Variants in GALNT7 observed in about 807,000 individuals in gnomAD.
The protein encoded by GALNT7 is N-acetylgalactosaminyltransferase 7.
Under a neutral mutation model 82.1 loss-of-function variants are expected in GALNT7, and 60 were observed. The observed-to-expected ratio is 0.73, with a 90% confidence interval of 0.59 to 0.91. GALNT7 has a LOEUF of 0.91. GALNT7 is among the 40% of genes least tolerant of loss of function. The pLI is 0.00. For synonymous variants in GALNT7, 243 were observed against 275.1 expected (o/e 0.88, Z 1.15); for missense variants, 660 against 804.2 (o/e 0.82, Z 2.17).
chr4:173,258,238 A>G (rs959261450), intron 2 of GALNT7, among the ~76,000 whole-genome samples: 4 of 152,180 alleles, frequency 2.6e-5, no homozygotes, highest in African/African-American at 9.7e-5. Context: ...ATCTTCTGTC[A>G]TTGTGGTACT....
intron 1 of GALNT7, among the ~76,000 whole-genome samples, chr4:173,181,762 T>C (rs1422815819): frequency 6.6e-6 from 1 of 152,238 alleles, no homozygotes; most frequent in East Asian, 1.9e-4. Flanking sequence ...GCCGGTATCA[T>C]CCAAGTATTG....
At chr4:173,246,465 G>A (rs1460378910) in intron 1 of GALNT7, among the ~76,000 whole-genome samples, 1 of 152,124 alleles carries the variant, frequency 6.6e-6, no homozygotes, top group Non-Finnish European at 1.5e-5. Flanking sequence ...GAAGTTGGTA[G>A]CTGTAATTAC....
chr4:173,292,319 C>T lies in GALNT7; in HGVS notation c.754+45C>T, dbSNP rs184452438. ...CATTTTGTCTATAAAATAAGTTAAG[C>T]ATGAATAATTGCAAAAAGGTGATTT... is the stretch of plus-strand genomic sequence containing the variant. On this transcript the variant is annotated intron_variant, in intron 3 of 11. Coordinates refer to ENST00000265000, the MANE Select transcript of GALNT7 (RefSeq NM_017423.3). The surrounding 1 kb of genome is among the most constrained non-coding windows in gnomAD (Gnocchi z 4.8). 41 of 1,212,222 alleles carry T rather than the reference C, an allele frequency of 3.4e-5. No individual in the cohort carries two copies. The African/African-American group carries it at 6.3e-4, about 19-fold the overall frequency. 75.1% of individuals were successfully genotyped at this position (1,212,222 alleles called of 1,614,324 possible). A position where few individuals can be genotyped will look rare whatever the true frequency, so the allele number is the denominator to read the frequency against.
At chr4:173,287,954 GC>G (rs1209170451) in intron 2 of GALNT7, among the ~76,000 whole-genome samples, 1 of 152,108 alleles carries the variant, frequency 6.6e-6, no homozygotes, top group African/African-American at 2.4e-5. Flanking sequence ...TTGTTTAAAT[GC>G]CAATGTAGTT....
intron 1 of GALNT7, among the ~76,000 whole-genome samples, chr4:173,240,813 A>G (rs1261699402): frequency 1.3e-5 from 2 of 152,342 alleles, no homozygotes; most frequent in East Asian, 1.9e-4. Flanking sequence ...GGCTTCTTCA[A>G]TGATTTTAAA....
intron 11 of GALNT7, chr4:173,318,789 G>A (rs1561203646): frequency 2.9e-6 from 1 of 349,680 alleles, no homozygotes; most frequent in Non-Finnish European, 5.2e-6. Flanking sequence ...AGGCCACGAT[G>A]ATGTCTATAA....
chr4:173,232,982 C>T (rs982139496), intron 1 of GALNT7, among the ~76,000 whole-genome samples: 10 of 152,168 alleles, frequency 6.6e-5, no homozygotes, highest in African/African-American at 2.4e-4. Context: ...TGAGTGAGAA[C>T]ACGTGGTATT....
chr4:173,184,275 C>G (rs796635397), intron 1 of GALNT7, among the ~76,000 whole-genome samples: 4 of 151,884 alleles, frequency 2.6e-5, no homozygotes, highest in Non-Finnish European at 4.4e-5. Context: ...TGTAGCGAGC[C>G]GAGATCACGC....
intron 8 of GALNT7, among the ~76,000 whole-genome samples, chr4:173,311,512 G>A (rs1737383216): frequency 6.6e-6 from 1 of 152,210 alleles, no homozygotes; most frequent in South Asian, 2.1e-4. Flanking sequence ...AATTATAGTG[G>A]AATGCAAAGG....
rs1737848327 is a variant in GALNT7 at position 173,322,203 on chromosome 4, GCCTT to G, written c.*492_*495del. The G allele has an allele frequency of 6.5e-6, 1 of 153,442 alleles. No homozygotes were observed. Among genetic ancestry groups the G allele is most frequent in the Non-Finnish European group, 1.5e-5 (1 of 68,624 alleles). 9.5% of individuals were successfully genotyped at this position (153,442 alleles called of 1,614,324 possible). On this transcript the variant is annotated 3_prime_UTR_variant, in exon 12 of 12. Transcript: ENST00000265000. ...CTGCCACAGGTTATTAGCCAAGGTG[GCCTT>G]CCTTCACAGTCATGCTGCTTTTTTG...
chr4:173,197,059 CT>C (rs1273347275), intron 1 of GALNT7, among the ~76,000 whole-genome samples: 5 of 120,432 alleles, frequency 4.2e-5, no homozygotes, highest in Non-Finnish European at 8.2e-5. Context: ...ATCTCTCTCT[CT>C]CCCTTTTTTT....
intron 1 of GALNT7, among the ~76,000 whole-genome samples, chr4:173,202,260 C>T (rs1732965140): frequency 6.6e-6 from 1 of 152,180 alleles, no homozygotes; most frequent in Non-Finnish European, 1.5e-5. Context: ...GAAGTTCACT[C>T]AGATATCAAG....
At chr4:173,206,660 C>T (rs1387025286) in intron 1 of GALNT7, among the ~76,000 whole-genome samples, 1 of 152,166 alleles carries the variant, frequency 6.6e-6, no homozygotes, top group Non-Finnish European at 1.5e-5. Flanking sequence ...ATTTTTCTTT[C>T]TCTCTTATGT....
chr4:173,310,377 C>T (rs1184868900), intron 8 of GALNT7, among the ~76,000 whole-genome samples: 2 of 152,128 alleles, frequency 1.3e-5, no homozygotes, highest in Non-Finnish European at 2.9e-5. Flanking sequence ...TCAATCCATC[C>T]CTTTCTATAC....
At chr4:173,169,377 G>C (rs1731766949) in intron 1 of GALNT7, 1 of 151,104 alleles carries the variant, frequency 6.6e-6, no homozygotes, top group Admixed American at 6.6e-5. Context: ...TCCAGGCTGC[G>C]GCCTGTGGCG....
intron 2 of GALNT7, among the ~76,000 whole-genome samples, chr4:173,276,540 T>C (rs561422161): frequency 6.6e-6 from 1 of 152,280 alleles, no homozygotes; most frequent in African/African-American, 2.4e-5. Flanking sequence ...ATATATAGTA[T>C]TATCAAGAAA....
chr4:173,287,049 T>C (rs1246253771), intron 2 of GALNT7, among the ~76,000 whole-genome samples: 1 of 152,138 alleles, frequency 6.6e-6, no homozygotes, highest in African/African-American at 2.4e-5. Flanking sequence ...GTGAGAAAAA[T>C]TAGATCTTTG....
chr4:173,293,832 C>T (rs925045811), intron 3 of GALNT7, among the ~76,000 whole-genome samples: 2 of 152,324 alleles, frequency 1.3e-5, no homozygotes, highest in South Asian at 4.1e-4. Flanking sequence ...AGAGCAGCCT[C>T]AGCTCAGACA....
intron 2 of GALNT7, among the ~76,000 whole-genome samples, chr4:173,256,082 G>A (rs751206401): frequency 7.9e-5 from 12 of 152,174 alleles, no homozygotes; most frequent in Non-Finnish European, 1.6e-4. Flanking sequence ...TAAAGAGACA[G>A]CCATAAAAAA....
Sources: gnomAD v4.1 joint callset for allele counts (sites outside exome capture counted in the v4.1 genomes callset) on GRCh38, gnomAD v4.1.1 for gene constraint, Gnocchi (gnomAD v3.1) non-coding constraint, MANE v1.5 for transcripts, NCBI Gene and HGNC (gene_info 2026-07-23, HGNC 2026-07-21) for gene names.